SUZ12: variants seen among roughly 807,000 people sequenced by gnomAD.
SUZ12 encodes the protein polycomb protein SUZ12.
Under a neutral mutation model 87.3 loss-of-function variants are expected in SUZ12, and 17 were observed. That is an observed-to-expected ratio of 0.19 (90% confidence interval 0.13 to 0.29). The LOEUF (loss-of-function observed/expected upper bound fraction) is 0.29. Among genes scored for constraint, SUZ12 ranks in the 10% least tolerant of loss-of-function variants. The pLI is 1.00. For missense variants in SUZ12, 526 were observed against 912.2 expected (o/e 0.58, Z 5.45); for synonymous variants, 253 against 312.4 (o/e 0.81, Z 2.01).
At chr17:31,966,243 C>A in intron 5 of SUZ12, 47 bp downstream of exon 5, 2 of 1,463,366 alleles carry the variant, frequency 1.4e-6, no homozygotes, top group Non-Finnish European at 1.9e-6. Flanking sequence ...AGCAAGATAC[C>A]TTTGTGAATG....
intron 4 of SUZ12, among the ~76,000 whole-genome samples, chr17:31,956,436 A>AC (rs1419435176): frequency 6.6e-6 from 1 of 151,900 alleles, no homozygotes; most frequent in Non-Finnish European, 1.5e-5. Flanking sequence ...TGATCGGCCC[A>AC]CCTCAACCTC....
At chr17:31,995,879 ATCCG>A in intron 14 of SUZ12, 117 bp downstream of exon 14, 1 of 806,368 alleles carries the variant, frequency 1.2e-6, no homozygotes, top group Non-Finnish European at 1.9e-6. Context: ...AAAAAAAGGA[ATCCG>A]GAAATGTACA....
chr17:31,957,136 C>T (rs560168569), intron 4 of SUZ12, among the ~76,000 whole-genome samples: 1 of 152,246 alleles, frequency 6.6e-6, no homozygotes, highest in African/African-American at 2.4e-5. Context: ...GGCTGGAGTG[C>T]AGTGGCACGA....
intron 6 of SUZ12, 135 bp downstream of exon 6, chr17:31,973,366 A>G: frequency 3.3e-6 from 2 of 602,400 alleles, no homozygotes; most frequent in Non-Finnish European, 2.8e-6. Context: ...TGGCCTAATT[A>G]TAAAACTGAT....
rs58491591 is a variant in SUZ12, at chr17:31,980,429, C to CTTTTT, written c.918-2537_918-2533dup. Among the ~76,000 whole-genome samples, 146 of 53,828 alleles carry CTTTTT rather than the reference C, an allele frequency of 2.7e-3. 35 individuals carry two copies. The highest frequency in any genetic ancestry group is 0.011 in the East Asian group (8 of 732). The allele number at this position is 53,828 out of a possible 152,430, so 35.3% of individuals were successfully genotyped here. Reference sequence around the variant, plus strand: ...TAAGATATACCAGAATCACCTTCTCCTTTTTTTTTTTTTTTTTTTTTTTTT... The same window carrying CTTTTT: ...TAAGATATACCAGAATCACCTTCTCCTTTTTTTTTTTTTTTTTTTTTTTTTTTTTT... On this transcript the variant is annotated intron_variant, in intron 8 of 15. Coordinates refer to ENST00000322652, the MANE Select transcript of SUZ12 (RefSeq NM_015355.4).
Position 31,937,225 on chromosome 17 carries a change from G to A in SUZ12, c.-22G>A. The A allele has an allele frequency of 1.4e-6, 2 of 1,400,524 alleles. No homozygotes were observed. Among genetic ancestry groups the A allele is most frequent in the Non-Finnish European group, 1.8e-6 (2 of 1,088,334 alleles). 86.8% of individuals were successfully genotyped at this position (1,400,524 alleles called of 1,614,324 possible). On this transcript the variant is annotated 5_prime_UTR_variant, in exon 1 of 16. Transcript: ENST00000322652. ...GGGGCCGCCCGGCGGGTAGCTGGCGGGGGGAGGAGGCAGGAACCGCGATGG... is the reference window on the plus strand; with the variant it reads ...GGGGCCGCCCGGCGGGTAGCTGGCGAGGGGAGGAGGCAGGAACCGCGATGG...
chr17:31,982,807 C>A (rs111954730), intron 8 of SUZ12, among the ~76,000 whole-genome samples, 192 bp from the exon 9 acceptor site: 1 of 143,498 alleles, frequency 7.0e-6, no homozygotes, highest in Admixed American at 7.0e-5. Flanking sequence ...CCTAGTAATA[C>A]AGTTTTTAGT....
At chr17:31,993,162 A>G in intron 10 of SUZ12, 80 bp from the exon 11 acceptor site, 1 of 840,166 alleles carries the variant, frequency 1.2e-6, no homozygotes, top group Non-Finnish European at 1.8e-6. Context: ...AACCTTTAAT[A>G]TTTAATAGTT....
At chr17:31,941,197 G>C (rs1193649650) in intron 3 of SUZ12, among the ~76,000 whole-genome samples, 1 of 149,492 alleles carries the variant, frequency 6.7e-6, no homozygotes, top group East Asian at 2.1e-4. Flanking sequence ...CGCCTCCTGG[G>C]TTCATGCCAT....
At chr17:31,994,073 C>A in intron 12 of SUZ12, 65 bp downstream of exon 12, 1 of 1,448,136 alleles carries the variant, frequency 6.9e-7, no homozygotes, top group Non-Finnish European at 9.2e-7. Context: ...TAAATATATA[C>A]ATCTATGTAC....
intron 9 of SUZ12, among the ~76,000 whole-genome samples, chr17:31,986,306 C>G (rs1190159809): frequency 6.6e-6 from 1 of 152,128 alleles, no homozygotes; most frequent in Non-Finnish European, 1.5e-5. Flanking sequence ...AGATTTACTT[C>G]TTTTTAAAAG....
chr17:31,971,252 C>G (rs1248706182), intron 5 of SUZ12, among the ~76,000 whole-genome samples: 1 of 152,018 alleles, frequency 6.6e-6, no homozygotes, highest in Non-Finnish European at 1.5e-5. Flanking sequence ...GGCCACAAGT[C>G]TTGGTCAGAT....
At chr17:31,960,344 G>A (rs1907627669) in intron 4 of SUZ12, among the ~76,000 whole-genome samples, 1 of 151,966 alleles carries the variant, frequency 6.6e-6, no homozygotes, top group Non-Finnish European at 1.5e-5. Flanking sequence ...CTGAGTAGCT[G>A]GGATTACAGG....
rs920324782 is a variant in SUZ12 at position 31,999,192 on chromosome 17, A to T, written c.*189A>T. ...CATTATGCAGCATTACATGTATATC[A>T]CTTTTATTGATGTCATTAAAACATT... On this transcript the variant is annotated 3_prime_UTR_variant, in exon 16 of 16. Transcript: ENST00000322652. 2.1e-4 allele frequency: 88 copies of T among 423,488 alleles called. No individual in the cohort carries two copies. The highest frequency in any genetic ancestry group is 1.2e-3 in the Middle Eastern group (2 of 1,644). 26.2% of individuals were successfully genotyped at this position (423,488 alleles called of 1,614,324 possible).
chr17:31,982,180 A>G (rs761218238), intron 8 of SUZ12, among the ~76,000 whole-genome samples: 61 of 152,172 alleles, frequency 4.0e-4, no homozygotes, highest in Non-Finnish European at 6.8e-4. Context: ...TTTATTGAGC[A>G]CCTATATGTG....
intron 4 of SUZ12, among the ~76,000 whole-genome samples, chr17:31,950,970 C>T (rs1363327712): frequency 1.3e-5 from 2 of 151,966 alleles, no homozygotes; most frequent in Admixed American, 6.6e-5. Context: ...TTAGTAGAGA[C>T]GGGGTTTCAC....
At chr17:31,955,983 C>A (rs1907307234) in intron 4 of SUZ12, among the ~76,000 whole-genome samples, 1 of 151,602 alleles carries the variant, frequency 6.6e-6, no homozygotes, top group Non-Finnish European at 1.5e-5. Flanking sequence ...GCGATCTCGG[C>A]CCACTGCAAG....
At chr17:31,950,500 A>C (rs1248163294) in intron 4 of SUZ12, among the ~76,000 whole-genome samples, 5 of 152,012 alleles carry the variant, frequency 3.3e-5, no homozygotes, top group African/African-American at 1.2e-4. Flanking sequence ...CCTGGCCAAC[A>C]GGGGAAAACC....
chr17:31,980,553 G>A (rs1335082811), intron 8 of SUZ12, among the ~76,000 whole-genome samples: 3 of 143,190 alleles, frequency 2.1e-5, no homozygotes, highest in Admixed American at 7.5e-5. Flanking sequence ...GGGTTCAAGC[G>A]ATTCTCCTGC....
Sources: gnomAD v4.1 joint callset for allele counts (sites outside exome capture counted in the v4.1 genomes callset) on GRCh38, gnomAD v4.1.1 for gene constraint, MANE v1.5 for transcripts, NCBI Gene and HGNC (gene_info 2026-07-23, HGNC 2026-07-21) for gene names.